The following OSBPL10 variants were observed in gnomAD, a reference collection of about 807,000 sequenced individuals.
OSBPL10 encodes oxysterol binding protein like 10, also known as oxysterol-binding protein-related protein 10.
Under a neutral mutation model 81.7 loss-of-function variants are expected in OSBPL10, and 49 were observed. The observed-to-expected ratio is 0.60, with a 90% CI of 0.48 to 0.76. The LOEUF (loss-of-function observed/expected upper bound fraction) is 0.76. Ranked by LOEUF, OSBPL10 falls within the 30% of genes least tolerant of loss-of-function variation. The pLI is 0.00. For synonymous variants in OSBPL10, 419 were observed against 383.6 expected (o/e 1.09, Z -1.08); for missense variants, 923 against 987.8 (o/e 0.93, Z 0.88).
chr3:31,976,748 C>T (rs971102837), intron 1 of OSBPL10, among the ~76,000 whole-genome samples: 1 of 152,202 alleles, frequency 6.6e-6, no homozygotes, highest in South Asian at 2.1e-4. Flanking sequence ...TGAGCCAATG[C>T]ACCCAGCCTT....
chr3:31,701,518 T>C (rs1428805659), intron 7 of OSBPL10, among the ~76,000 whole-genome samples: 1 of 152,094 alleles, frequency 6.6e-6, no homozygotes, highest in Non-Finnish European at 1.5e-5. Flanking sequence ...GCACGCCTCA[T>C]GCGATTCTCA....
rs558819461 is a variant in OSBPL10, at chr3:31,876,515, A to G, written c.458-3T>C. 6.8e-6 allele frequency: 11 copies of G among 1,608,636 alleles called. No homozygotes were observed. Among genetic ancestry groups the G allele is most frequent in the South Asian group, 4.4e-5 (4 of 90,970 alleles). ...TTGTTTCTCTTTTGCATCAGCAGCT[A>G]AAATAGAGAAAACAGAGAAAGAAAT... On this transcript the variant is annotated splice_polypyrimidine_tract_variant and splice_region_variant and intron_variant, in intron 2 of 11. Coordinates refer to ENST00000396556, the MANE Select transcript of OSBPL10 (RefSeq NM_017784.5).
chr3:31,762,630 A>ATTTTTTTTTTTT (rs56311731), intron 4 of OSBPL10, among the ~76,000 whole-genome samples: 1,649 of 61,396 alleles, frequency 0.027, 468 homozygotes, highest in African/African-American at 0.12. Context: ...CATGCCCAGC[A>ATTTTTTTTTTTT]TTTTTTTTTT....
At chr3:31,844,246 T>C (rs1700573751) in intron 3 of OSBPL10, among the ~76,000 whole-genome samples, 1 of 152,202 alleles carries the variant, frequency 6.6e-6, no homozygotes, top group Non-Finnish European at 1.5e-5. Flanking sequence ...TGAACTGCCA[T>C]GATTCAAGTA....
intron 2 of OSBPL10, among the ~76,000 whole-genome samples, chr3:32,011,215 C>T (rs1020972711): frequency 2.6e-5 from 4 of 152,310 alleles, no homozygotes; most frequent in Admixed American, 1.3e-4. Flanking sequence ...TGACACCTCA[C>T]ACAGCCGGGT....
chr3:31,732,791 C>A, intron 6 of OSBPL10: 1 of 194,176 alleles, frequency 5.1e-6, no homozygotes, highest in Non-Finnish European at 1.0e-5. Context: ...AGCTCAATGC[C>A]CAAGAGGAGT....
chr3:31,671,249 A>G (rs1472534934), intron 8 of OSBPL10, among the ~76,000 whole-genome samples: 1 of 152,204 alleles, frequency 6.6e-6, no homozygotes, highest in African/African-American at 2.4e-5. Flanking sequence ...ACAAAATTGT[A>G]ACAGTGATAA....
chr3:32,034,292 T>C (rs1699499199), intron 2 of OSBPL10, among the ~76,000 whole-genome samples: 2 of 151,822 alleles, frequency 1.3e-5, no homozygotes, highest in Non-Finnish European at 2.9e-5. Context: ...AATAAAAAGA[T>C]TAGCCAGGTA....
intron 2 of OSBPL10, among the ~76,000 whole-genome samples, chr3:31,998,990 G>A (rs962319689): frequency 2.6e-5 from 4 of 152,158 alleles, no homozygotes; most frequent in Non-Finnish European, 4.4e-5. Context: ...ACACAAGGTC[G>A]AAGAAGATGT....
intron 1 of OSBPL10, among the ~76,000 whole-genome samples, chr3:31,881,612 T>A (rs979286470): frequency 6.6e-6 from 1 of 152,226 alleles, no homozygotes; most frequent in Non-Finnish European, 1.5e-5. Context: ...AGCTGTGCAG[T>A]ACCCACAGGT....
intron 1 of OSBPL10, chr3:31,919,469 A>G (rs1696852259): frequency 6.6e-6 from 1 of 152,208 alleles, no homozygotes. Context: ...TGGAAATCCA[A>G]CCAACAGAGA....
intron 4 of OSBPL10, among the ~76,000 whole-genome samples, chr3:31,826,641 A>C (rs1700106716): frequency 6.6e-6 from 1 of 152,364 alleles, no homozygotes; most frequent in South Asian, 2.1e-4. Flanking sequence ...TTCCCTGAAC[A>C]GCTGGGTTAA....
intron 6 of OSBPL10, chr3:31,708,646 T>C (rs1696150269): frequency 1.2e-6 from 1 of 862,158 alleles, no homozygotes; most frequent in Non-Finnish European, 1.4e-6. Context: ...AAAAAGTATC[T>C]CCCCTGAGGA....
At chr3:31,746,613 G>A (rs1188924653) in intron 5 of OSBPL10, among the ~76,000 whole-genome samples, 1 of 151,548 alleles carries the variant, frequency 6.6e-6, no homozygotes, top group African/African-American at 2.4e-5. Flanking sequence ...GGGAGGCAGA[G>A]GATGCAGTGA....
At chr3:31,749,322 T>C (rs570507133) in intron 4 of OSBPL10, among the ~76,000 whole-genome samples, 77 of 152,350 alleles carry the variant, frequency 5.1e-4, no homozygotes, top group Admixed American at 9.1e-4. Context: ...AAACGATGTT[T>C]TTAAAAAGAT....
At chr3:31,783,428 T>C (rs920112164) in intron 4 of OSBPL10, among the ~76,000 whole-genome samples, 1 of 151,806 alleles carries the variant, frequency 6.6e-6, no homozygotes, top group Non-Finnish European at 1.5e-5. Context: ...GTGATGCGTG[T>C]ACCAGAATCT....
intron 3 of OSBPL10, among the ~76,000 whole-genome samples, chr3:31,857,904 G>A (rs1700967315): frequency 6.7e-6 from 1 of 149,126 alleles, no homozygotes; most frequent in South Asian, 2.2e-4. Flanking sequence ...GAAAGAGAGA[G>A]AGAGATACAG....
intron 1 of OSBPL10, among the ~76,000 whole-genome samples, chr3:31,892,851 C>T (rs1349622388): frequency 6.6e-6 from 1 of 152,128 alleles, no homozygotes; most frequent in East Asian, 1.9e-4. Context: ...GAGCAAGCCA[C>T]GGACCAGCAG....
chr3:31,877,376 C>A (rs1701502954), intron 2 of OSBPL10, among the ~76,000 whole-genome samples: 1 of 152,106 alleles, frequency 6.6e-6, no homozygotes, highest in African/African-American at 2.4e-5. Flanking sequence ...TCAAATTTCC[C>A]CCAAAGAGAT....
Sources: allele counts gnomAD v4.1 joint callset (sites outside exome capture counted in the v4.1 genomes callset), GRCh38; gene constraint gnomAD v4.1.1; transcripts MANE v1.5; gene names NCBI Gene and HGNC (gene_info 2026-07-23, HGNC 2026-07-21).